Variants in PTPRD observed in about 807,000 individuals in gnomAD.
The protein encoded by PTPRD is protein tyrosine phosphatase receptor type D.
Under a neutral mutation model 214.5 loss-of-function variants are expected in PTPRD, and 34 were observed. The observed-to-expected ratio is 0.16, with a 90% CI of 0.12 to 0.21. The LOEUF is 0.21. Among genes scored for constraint, PTPRD ranks in the 10% least tolerant of loss-of-function variants. The pLI, the probability that PTPRD is intolerant of heterozygous loss-of-function variation, is 1.00. For synonymous variants in PTPRD, 1,128 were observed against 845.7 expected (o/e 1.33, Z -5.79); for missense variants, 2,545 against 2,398.7 (o/e 1.06, Z -1.27).
intron 14 of PTPRD, among the ~76,000 whole-genome samples, chr9:8,616,160 G>C (rs573342894): frequency 6.6e-6 from 1 of 152,044 alleles, no homozygotes; most frequent in Non-Finnish European, 1.5e-5. Context: ...CTCATATCCT[G>C]ACTTTCTAAC....
chr9:8,452,497 T>C (rs927049055), intron 33 of PTPRD, among the ~76,000 whole-genome samples: 3 of 152,244 alleles, frequency 2.0e-5, no homozygotes, highest in Non-Finnish European at 2.9e-5. Context: ...GTAACCTTTT[T>C]TCCTGATAAA....
intron 43 of PTPRD, among the ~76,000 whole-genome samples, chr9:8,335,844 T>C (rs947123829): frequency 1.1e-4 from 16 of 151,920 alleles, no homozygotes; most frequent in African/African-American, 3.1e-4. Context: ...TATATACCAA[T>C]AACAGCCAAA....
intron 2 of PTPRD, among the ~76,000 whole-genome samples, chr9:10,424,313 T>TTC (rs35994999): frequency 0.085 from 12,371 of 145,410 alleles, 629 homozygotes; most frequent in African/African-American, 0.14. Context: ...TGGTTTCCTT[T>TTC]TCTCTCTCTC....
chr9:10,497,534 T>A lies in PTPRD; in HGVS notation c.-600+114864A>T, dbSNP rs150171055. On this transcript the variant is annotated intron_variant, in intron 2 of 45. Transcript: ENST00000381196. ...GACATATATAAATGTAGTTCAAACATGTATTTTATTTGCGCATTTAAAAGT... is the reference window on the plus strand; with the variant it reads ...GACATATATAAATGTAGTTCAAACAAGTATTTTATTTGCGCATTTAAAAGT... Among the ~76,000 whole-genome samples the A allele has an allele frequency of 6.5e-3, 990 of 152,162 alleles. 10 individuals carry two copies. The highest frequency in any genetic ancestry group is 0.022 in the African/African-American group (919 of 41,548).
chr9:9,460,206 G>T (rs1301013138), intron 8 of PTPRD, among the ~76,000 whole-genome samples: 3 of 152,048 alleles, frequency 2.0e-5, no homozygotes, highest in South Asian at 4.1e-4. Flanking sequence ...ATGGATTAAA[G>T]ACTTCAATGT....
chr9:8,750,493 G>C (rs1020118559), intron 11 of PTPRD, among the ~76,000 whole-genome samples: 2 of 151,990 alleles, frequency 1.3e-5, no homozygotes, highest in Non-Finnish European at 2.9e-5. Context: ...GTAAGTGCTC[G>C]AAAGAAAATT....
chr9:9,474,918 C>A (rs1417149933), intron 8 of PTPRD, among the ~76,000 whole-genome samples: 2 of 152,056 alleles, frequency 1.3e-5, no homozygotes, highest in Non-Finnish European at 2.9e-5. Context: ...TGTGGATACC[C>A]TTTCTTTCTT....
At chr9:10,471,685 C>G (rs1274772414) in intron 2 of PTPRD, among the ~76,000 whole-genome samples, 1 of 152,052 alleles carries the variant, frequency 6.6e-6, no homozygotes, top group African/African-American at 2.4e-5. Flanking sequence ...TTTCTTTGCT[C>G]ATAAAGACTT....
chr9:9,798,855 C>A (rs543569633), intron 5 of PTPRD, among the ~76,000 whole-genome samples: 6 of 152,108 alleles, frequency 3.9e-5, no homozygotes, highest in African/African-American at 1.4e-4. Context: ...AAAATATCAC[C>A]CAAATTACCA....
chr9:10,409,205 T>A (rs944651695), intron 2 of PTPRD, among the ~76,000 whole-genome samples: 15 of 151,834 alleles, frequency 9.9e-5, no homozygotes, highest in Non-Finnish European at 1.9e-4. Context: ...CTGTTATGCA[T>A]ATAGAGTATG....
At chr9:9,322,695 C>T (rs191362514) in intron 9 of PTPRD, among the ~76,000 whole-genome samples, 6 of 152,222 alleles carry the variant, frequency 3.9e-5, no homozygotes, top group African/African-American at 1.4e-4. Flanking sequence ...ACTCTAGATC[C>T]TTGGTATGAG....
At chr9:9,195,107 T>TATATATATATATACAC (rs58832794) in intron 9 of PTPRD, among the ~76,000 whole-genome samples, 4 of 141,202 alleles carry the variant, frequency 2.8e-5, no homozygotes, top group East Asian at 2.2e-4. Flanking sequence ...TATATATATA[T>TATATATATATATACAC]ACACACACAC....
chr9:8,697,629 G>C, intron 12 of PTPRD, among the ~76,000 whole-genome samples: 1 of 149,964 alleles, frequency 6.7e-6, no homozygotes, highest in Non-Finnish European at 1.5e-5. Context: ...CACCATGTTG[G>C]CCAGGCTAGT....
At chr9:8,737,238 A>G (rs1287624732) in intron 11 of PTPRD, among the ~76,000 whole-genome samples, 1 of 152,210 alleles carries the variant, frequency 6.6e-6, no homozygotes, top group Non-Finnish European at 1.5e-5. Flanking sequence ...GTATAAACAT[A>G]CATATTTATC....
chr9:8,807,104 A>G (rs892154325), intron 11 of PTPRD, among the ~76,000 whole-genome samples: 1 of 152,150 alleles, frequency 6.6e-6, no homozygotes, highest in African/African-American at 2.4e-5. Flanking sequence ...TGGGAGGCCG[A>G]CGCAGGTGGA....
chr9:9,931,768 G>A (rs886393708), intron 5 of PTPRD, among the ~76,000 whole-genome samples: 1 of 151,784 alleles, frequency 6.6e-6, no homozygotes, highest in Admixed American at 6.6e-5. Flanking sequence ...TCCACCTCTG[G>A]GGGCAGGGCA....
In PTPRD at chr9:8,499,724, C is replaced by G. The variant is rs759878846; in HGVS notation, c.2245G>C (p.Val749Leu). The G allele has an allele frequency of 6.2e-7, 1 of 1,614,108 alleles. No homozygotes were observed. Among genetic ancestry groups the G allele is most frequent in the Non-Finnish European group, 8.5e-7 (1 of 1,180,000 alleles). ...KQHGQIRGYQ[V>L]HYVRMENGEP... is the part of the protein sequence containing the mutation. ...CCATTTTCCATCCTCACATAATGCA[C>G]CTGATATCCTCTTATCTGGCCATGC... Residue 749 changes from valine (V) to leucine (L), a missense_variant, in exon 25 of 46, where the codon GTG becomes CTG. Coordinates refer to ENST00000381196, the MANE Select transcript of PTPRD (RefSeq NM_002839.4).
rs2132482213 is a variant in PTPRD at position 8,341,688 on chromosome 9, C to T, written c.4947+5G>A. The stretch of plus-strand genomic sequence containing the variant: ...TGAATAACCACATCACATCCAATAC[C>T]ATACCTTAAATTCGAGCTCCATTCC... On this transcript the variant is annotated splice_donor_5th_base_variant and intron_variant, in intron 40 of 45. Transcript: ENST00000381196. 7 of 1,612,760 alleles carry T rather than the reference C, an allele frequency of 4.3e-6. No individual in the cohort carries two copies. The highest frequency in any genetic ancestry group is 5.9e-6 in the Non-Finnish European group (7 of 1,179,286).
At chr9:10,049,808 T>G (rs1436452100) in intron 3 of PTPRD, among the ~76,000 whole-genome samples, 1 of 152,200 alleles carries the variant, frequency 6.6e-6, no homozygotes, top group Non-Finnish European at 1.5e-5. Context: ...GAAATGCTTG[T>G]AGGCCAAGTC....
Sources: allele counts gnomAD v4.1 joint callset (sites outside exome capture counted in the v4.1 genomes callset), GRCh38; gene constraint gnomAD v4.1.1; transcripts MANE v1.5; gene names NCBI Gene and HGNC (gene_info 2026-07-23, HGNC 2026-07-21).